AFF1: variants seen among roughly 807,000 people sequenced by gnomAD.
The protein encoded by AFF1 is AF4/FMR2 family member 1.
AFF1 carries 48 observed loss-of-function variants against 121.7 expected under a neutral mutation model. That is an observed-to-expected ratio of 0.39 (90% CI 0.31 to 0.50). The LOEUF is 0.50. Ranked by LOEUF, AFF1 falls within the 20% of genes least tolerant of loss-of-function variation. AFF1 has a pLI of 0.76. For missense variants in AFF1, 1,523 were observed against 1,511.7 expected (o/e 1.01, Z -0.12); for synonymous variants, 613 against 563.0 (o/e 1.09, Z -1.26).
chr4:87,135,723 T>C lies in AFF1; in HGVS notation c.*22T>C. 6.2e-7 allele frequency: 1 copy of C among 1,604,356 alleles called. No homozygotes were observed. Among genetic ancestry groups the C allele is most frequent in the Non-Finnish European group, 8.5e-7 (1 of 1,175,232 alleles). ...TTAATGGAGCCCCAGGTTGATTCAA[T>C]GCCTTGGGAACTATTTTTGCACATT... On this transcript the variant is annotated 3_prime_UTR_variant, in exon 21 of 21. Transcript: ENST00000395146.
At position 87,138,871 on chromosome 4, in the gene AFF1, C is replaced by G. The variant is rs897572495; in HGVS notation, c.*3170C>G. The G allele has an allele frequency of 8.7e-6, 2 of 229,308 alleles. No individual in the cohort carries two copies. Among genetic ancestry groups the G allele is most frequent in the African/African-American group, 4.4e-5 (2 of 45,136 alleles). The allele number at this position is 229,308 out of a possible 1,614,324, so 14.2% of individuals were successfully genotyped here. On this transcript the variant is annotated 3_prime_UTR_variant, in exon 21 of 21. Transcript: ENST00000395146. ...TTTTGACCAAAATATGTAGCTATTTCCCTTACACAGATTGGACCGCACTTA... is the reference window on the plus strand; with the variant it reads ...TTTTGACCAAAATATGTAGCTATTTGCCTTACACAGATTGGACCGCACTTA...
At chr4:87,073,012 A>G (rs1228048974) in intron 4 of AFF1, among the ~76,000 whole-genome samples, 1 of 152,104 alleles carries the variant, frequency 6.6e-6, no homozygotes, top group Non-Finnish European at 1.5e-5. Flanking sequence ...ATGCAGAGAT[A>G]ACGCAGGAAA....
At chr4:86,997,471 T>C (rs1725303310) in intron 2 of AFF1, among the ~76,000 whole-genome samples, 1 of 152,126 alleles carries the variant, frequency 6.6e-6, no homozygotes, top group African/African-American at 2.4e-5. Flanking sequence ...TATTTAAAAA[T>C]GCATACTTGG....
At chr4:87,127,533 C>A (rs1728405264) in intron 15 of AFF1, 110 bp from the exon 16 acceptor site, 1 of 948,410 alleles carries the variant, frequency 1.1e-6, no homozygotes, top group Admixed American at 2.1e-5. Flanking sequence ...TGTTTACCCT[C>A]TCTCCTCCCC....
intron 4 of AFF1, among the ~76,000 whole-genome samples, chr4:87,073,978 C>T (rs1236762885): frequency 6.6e-6 from 1 of 151,060 alleles, no homozygotes. Flanking sequence ...TGTGTGTGTG[C>T]ACGTGCGTGT....
In AFF1 at chr4:87,084,067, A is replaced by G. The variant is rs1254719372; in HGVS notation, c.1060-53A>G. On this transcript the variant is annotated intron_variant, in intron 4 of 20. Coordinates refer to ENST00000395146, the MANE Select transcript of AFF1 (RefSeq NM_001166693.3). ...ATTAATACAGTCATCCACCAGTACC[A>G]TCACTCTTGACTCTGGTTTGCTAAC... The G allele has an allele frequency of 4.6e-6, 7 of 1,534,662 alleles. No homozygotes were observed. In the East Asian group the frequency reaches 1.6e-4, roughly 34 times the overall value.
intron 7 of AFF1, among the ~76,000 whole-genome samples, chr4:87,092,790 A>G (rs1724449386): frequency 6.6e-6 from 1 of 152,210 alleles, no homozygotes; most frequent in Admixed American, 6.5e-5. Flanking sequence ...TTGCTACAGT[A>G]TTGTATGAGT....
At chr4:86,944,131 A>C (rs1720668595) in intron 1 of AFF1, among the ~76,000 whole-genome samples, 1 of 132,798 alleles carries the variant, frequency 7.5e-6, no homozygotes, top group South Asian at 2.4e-4. Flanking sequence ...GTGACAGAGC[A>C]AGACCCTGTA....
At chr4:87,102,719 T>G (rs1725544773) in intron 8 of AFF1, among the ~76,000 whole-genome samples, 1 of 152,178 alleles carries the variant, frequency 6.6e-6, no homozygotes, top group South Asian at 2.1e-4. Context: ...AAAAAAAAAT[T>G]TATAGGTGAG....
At chr4:86,945,070 T>C (rs963372026) in intron 1 of AFF1, among the ~76,000 whole-genome samples, 1 of 152,168 alleles carries the variant, frequency 6.6e-6, no homozygotes, top group African/African-American at 2.4e-5. Flanking sequence ...TCACATAAAA[T>C]TTAGTGTGGA....
intron 4 of AFF1, among the ~76,000 whole-genome samples, chr4:87,061,477 A>C (rs1720782139): frequency 1.3e-5 from 2 of 152,362 alleles, no homozygotes. Context: ...CATTAAAACC[A>C]ACACTGGGGC....
chr4:86,980,097 G>C (rs1401465962), intron 2 of AFF1, among the ~76,000 whole-genome samples: 1 of 152,138 alleles, frequency 6.6e-6, no homozygotes, highest in Non-Finnish European at 1.5e-5. Flanking sequence ...TTTTAGTAGA[G>C]ATGGGGTTTT....
At chr4:87,022,543 G>GATATATATATATATAT (rs1156817444) in intron 2 of AFF1, among the ~76,000 whole-genome samples, 3 of 80,164 alleles carry the variant, frequency 3.7e-5, no homozygotes, top group African/African-American at 8.4e-5. Flanking sequence ...CGTGCTTACA[G>GATATATATATATATAT]ATATATATAT....
intron 2 of AFF1, among the ~76,000 whole-genome samples, chr4:86,996,427 C>A (rs1475281422): frequency 3.3e-5 from 5 of 151,664 alleles, no homozygotes; most frequent in Non-Finnish European, 7.4e-5. Context: ...GACCTTACCC[C>A]CAACCCTGTG....
At chr4:87,089,079 T>C (rs1297505169) in intron 5 of AFF1, among the ~76,000 whole-genome samples, 1 of 152,088 alleles carries the variant, frequency 6.6e-6, no homozygotes, top group Admixed American at 6.6e-5. Context: ...CGGGCAGGTC[T>C]GACACATGTG....
intron 11 of AFF1, among the ~76,000 whole-genome samples, chr4:87,110,166 CT>C (rs918472119): frequency 4.2e-4 from 64 of 151,044 alleles, no homozygotes; most frequent in African/African-American, 1.2e-3. Flanking sequence ...TTTCTCACTC[CT>C]TTTTTTTATT....
At chr4:87,005,726 C>T (rs943176462) in intron 2 of AFF1, among the ~76,000 whole-genome samples, 3 of 152,170 alleles carry the variant, frequency 2.0e-5, no homozygotes, top group Admixed American at 1.3e-4. Context: ...ATCAAAAAGA[C>T]CCATGCTCAA....
intron 2 of AFF1, among the ~76,000 whole-genome samples, chr4:87,000,990 A>T (rs1725666930): frequency 7.0e-6 from 1 of 143,050 alleles, no homozygotes; most frequent in Non-Finnish European, 1.5e-5. Context: ...TCATTTCATA[A>T]TTCTAATTTG....
intron 4 of AFF1, among the ~76,000 whole-genome samples, chr4:87,062,772 G>A (rs144883626): frequency 6.6e-6 from 1 of 152,076 alleles, no homozygotes; most frequent in Non-Finnish European, 1.5e-5. Context: ...GGTACAGGTG[G>A]GTACTTATTT....
Sources: allele counts gnomAD v4.1 joint callset (sites outside exome capture counted in the v4.1 genomes callset), GRCh38; gene constraint gnomAD v4.1.1; transcripts MANE v1.5; gene names NCBI Gene and HGNC (gene_info 2026-07-23, HGNC 2026-07-21).